CNIH3: variants seen among roughly 807,000 people sequenced by gnomAD.
CNIH3 encodes the protein protein cornichon homolog 3.
In CNIH3, 14 loss-of-function variants were observed where a neutral mutation model predicts 24.1. The ratio of observed to expected loss-of-function variants is 0.58; its 90% CI spans 0.38 to 0.91. The LOEUF (loss-of-function observed/expected upper bound fraction) is 0.91, where lower values mean the gene tolerates loss of function less well. Among genes scored for constraint, CNIH3 ranks in the 40% least tolerant of loss-of-function variants. The pLI is 0.00. For missense variants in CNIH3, 178 were observed against 196.8 expected (o/e 0.90, Z 0.57); for synonymous variants, 68 against 73.8 (o/e 0.92, Z 0.40).
chr1:224,734,646 A>G lies in CNIH3; in HGVS notation c.395A>G (p.Gln132Arg). The G allele has an allele frequency of 6.2e-7, 1 of 1,614,166 alleles. No homozygotes were observed. ...AATGCCGACACTTTGAGTTACTGTC[A>G]GAAGGAGGCCTGGTGTAAGCTGGCC... The part of the protein sequence containing the change: ...VMNADTLSYC[Q>R]KEAWCKLAFY... Residue 132 changes from glutamine to arginine, a missense_variant, in exon 5 of 6, where the codon CAG (glutamine) becomes CGG (arginine). By Grantham distance (43) the Gln-to-Arg change is conservative. Transcript: ENST00000272133.
chr1:224,723,683 G>A (rs1348769608), intron 3 of CNIH3, among the ~76,000 whole-genome samples: 1 of 152,212 alleles, frequency 6.6e-6, no homozygotes, highest in African/African-American at 2.4e-5. Context: ...ATTTTCCTTC[G>A]TGTTCCTGGT....
At chr1:224,554,582 T>G (rs562867152) in intron 3 of CNIH3, among the ~76,000 whole-genome samples, 36 of 152,152 alleles carry the variant, frequency 2.4e-4, no homozygotes, top group Admixed American at 2.6e-4. Flanking sequence ...AGGTTTTTTT[T>G]TTGTTGTTGT....
At chr1:224,667,683 A>G (rs1337095313) in intron 1 of CNIH3, among the ~76,000 whole-genome samples, 1 of 152,116 alleles carries the variant, frequency 6.6e-6, no homozygotes, top group Non-Finnish European at 1.5e-5. Flanking sequence ...GATGTGGGAC[A>G]GAGAATCCGC....
chr1:224,510,190 T>C (rs996521089), intron 1 of CNIH3, among the ~76,000 whole-genome samples: 1 of 152,040 alleles, frequency 6.6e-6, no homozygotes, highest in African/African-American at 2.4e-5. Context: ...ACTGCCCCCG[T>C]GAGAGGCTCT....
At chr1:224,475,044 C>CAAA (rs542566183) in intron 1 of CNIH3, among the ~76,000 whole-genome samples, 1 of 91,830 alleles carries the variant, frequency 1.1e-5, no homozygotes, top group South Asian at 3.4e-4. Context: ...GACTCCATCT[C>CAAA]AAAAAAAAAA....
intron 5 of CNIH3, among the ~76,000 whole-genome samples, chr1:224,585,000 A>C (rs769217643): frequency 6.6e-6 from 1 of 152,210 alleles, no homozygotes; most frequent in Non-Finnish European, 1.5e-5. Flanking sequence ...GCATGAATTC[A>C]TGTGAAAAAC....
chr1:224,468,159 G>T (rs1405945605), intron 1 of CNIH3, among the ~76,000 whole-genome samples: 2 of 151,964 alleles, frequency 1.3e-5, no homozygotes, highest in African/African-American at 4.8e-5. Context: ...TTTCAAAATT[G>T]TCGTAACTAT....
exon 6 of CNIH3, chr1:224,588,434 G>T (rs1408667138): frequency 2.0e-5 from 3 of 152,300 alleles, no homozygotes; most frequent in African/African-American, 7.2e-5. Context: ...GAGCAAGGAG[G>T]ACGGCAGGGG....
intron 5 of CNIH3, among the ~76,000 whole-genome samples, chr1:224,585,461 G>A (rs1234402928): frequency 1.3e-5 from 2 of 151,656 alleles, no homozygotes; most frequent in Non-Finnish European, 2.9e-5. Context: ...TTAAACCAAA[G>A]CACAGTTCTT....
intron 1 of CNIH3, among the ~76,000 whole-genome samples, chr1:224,463,087 G>A (rs967006585): frequency 2.0e-5 from 3 of 151,678 alleles, no homozygotes; most frequent in African/African-American, 7.3e-5. Flanking sequence ...TAGTAGAGAT[G>A]GGGTTTCATC....
chr1:224,667,893 C>T (rs965213039), intron 1 of CNIH3, among the ~76,000 whole-genome samples: 2 of 152,172 alleles, frequency 1.3e-5, no homozygotes, highest in African/African-American at 4.8e-5. Flanking sequence ...GTGTCTCTCA[C>T]TGGTAGCGTG....
At chr1:224,533,592 G>T (rs145394897) in intron 2 of CNIH3, among the ~76,000 whole-genome samples, 1 of 152,228 alleles carries the variant, frequency 6.6e-6, no homozygotes, top group East Asian at 1.9e-4. Flanking sequence ...AAGCCTCGAG[G>T]GGAGAATCTG....
chr1:224,688,005 A>G (rs1686743495), intron 3 of CNIH3, among the ~76,000 whole-genome samples: 1 of 152,170 alleles, frequency 6.6e-6, no homozygotes, highest in South Asian at 2.1e-4. Context: ...TGGAATCAGG[A>G]TCTAGAAAAT....
chr1:224,463,773 A>C (rs1274113082), intron 1 of CNIH3, among the ~76,000 whole-genome samples: 1 of 20,706 alleles, frequency 4.8e-5, no homozygotes, highest in African/African-American at 2.6e-4. Flanking sequence ...AATTGTCCTC[A>C]TTTTTTTTTT....
chr1:224,484,698 T>C (rs1676959585), intron 1 of CNIH3, among the ~76,000 whole-genome samples: 1 of 152,204 alleles, frequency 6.6e-6, no homozygotes, highest in African/African-American at 2.4e-5. Context: ...CTCTTCTCTG[T>C]GTTTCATCTT....
At chr1:224,706,626 G>T (rs893259991) in intron 3 of CNIH3, among the ~76,000 whole-genome samples, 6 of 152,152 alleles carry the variant, frequency 3.9e-5, no homozygotes, top group African/African-American at 1.4e-4. Context: ...TGGGAGGTTT[G>T]CATGTATGTC....
At chr1:224,730,664 T>C in intron 4 of CNIH3, 90 bp downstream of exon 4, 1 of 748,844 alleles carries the variant, frequency 1.3e-6, no homozygotes, top group South Asian at 1.7e-5. Flanking sequence ...AGACAGCTTC[T>C]ATTGCCTTCC....
intron 3 of CNIH3, chr1:224,611,302 C>CA (rs1477507030): frequency 4.6e-5 from 7 of 152,194 alleles, no homozygotes; most frequent in Non-Finnish European, 1.0e-4. Flanking sequence ...CTGATTATCT[C>CA]AATTTCCTGT....
chr1:224,637,748 G>T (rs913348851), intron 1 of CNIH3, among the ~76,000 whole-genome samples: 1 of 152,156 alleles, frequency 6.6e-6, no homozygotes, highest in African/African-American at 2.4e-5. Context: ...GTCACCAGCC[G>T]CTCAGCTGGG....
Sources: allele counts gnomAD v4.1 joint callset (sites outside exome capture counted in the v4.1 genomes callset), GRCh38; gene constraint gnomAD v4.1.1; transcripts MANE v1.5; gene names NCBI Gene and HGNC (gene_info 2026-07-23, HGNC 2026-07-21).